CLMN: variants seen among roughly 807,000 people sequenced by gnomAD.
CLMN encodes the protein calmin (calponin-like, transmembrane).
A neutral mutation model predicts 92.7 loss-of-function variants in CLMN; 57 were observed. The ratio of observed to expected loss-of-function variants is 0.61; its 90% confidence interval spans 0.50 to 0.77. The LOEUF is 0.77. CLMN is among the 30% of genes least tolerant of loss of function. The pLI is 0.00. For missense variants in CLMN, 1,158 were observed against 1,237.5 expected (o/e 0.94, Z 0.96); for synonymous variants, 466 against 470.6 (o/e 0.99, Z 0.13).
chr14:95,237,909 T>C (rs1351469703), intron 1 of CLMN, among the ~76,000 whole-genome samples: 1 of 152,214 alleles, frequency 6.6e-6, no homozygotes, highest in Non-Finnish European at 1.5e-5. Context: ...TCTTTCTAAC[T>C]GCAAGCGTCC....
At chr14:95,197,091 A>G (rs1762312807) in intron 9 of CLMN, among the ~76,000 whole-genome samples, 1 of 152,142 alleles carries the variant, frequency 6.6e-6, no homozygotes, top group Non-Finnish European at 1.5e-5. Context: ...TTTCCTATAA[A>G]TAATGTCTCT....
At chr14:95,306,390 G>A (rs1473038545) in intron 1 of CLMN, among the ~76,000 whole-genome samples, 1 of 152,182 alleles carries the variant, frequency 6.6e-6, no homozygotes, top group Admixed American at 6.5e-5. Flanking sequence ...GTGCACGTCT[G>A]TAATCCCAGC....
intron 1 of CLMN, among the ~76,000 whole-genome samples, chr14:95,310,533 G>T (rs999536907): frequency 6.6e-6 from 1 of 152,238 alleles, no homozygotes; most frequent in African/African-American, 2.4e-5. Flanking sequence ...CCGTTTGGGG[G>T]ATTAGGATGT....
At chr14:95,207,469 C>T (rs1897077617) in intron 8 of CLMN, among the ~76,000 whole-genome samples, 1 of 152,160 alleles carries the variant, frequency 6.6e-6, no homozygotes, top group African/African-American at 2.4e-5. Flanking sequence ...GAACTGATTC[C>T]TCCTATGTAA....
rs112023847 is a variant in CLMN at position 95,221,747 on chromosome 14, G to A, written c.268C>T (p.Arg90Cys). ...GCTATGTTGTTCAACCGAAAAATAC[G>A]ATGCGACGAGGATTTGTATTCGTGC... The part of the protein sequence containing the change: ...LLHEYKSSSH[R>C]IFRLNNIAKA... The change falls in exon 4 of 13, where the codon CGT (arginine) becomes TGT (cysteine). Residue 90 changes from arginine (R) to cysteine (C), a missense_variant. Arg to Cys is a radical substitution (Grantham distance 180, BLOSUM62 -3). Coordinates refer to ENST00000298912, the MANE Select transcript of CLMN (RefSeq NM_024734.4). 6.8e-5 allele frequency: 110 copies of A among 1,613,996 alleles called. No individual in the cohort carries two copies. Among genetic ancestry groups the A allele is most frequent in the Non-Finnish European group, 5.8e-5 (68 of 1,180,022 alleles).
chr14:95,214,009 C>T (rs1437760777), intron 5 of CLMN, among the ~76,000 whole-genome samples: 1 of 152,016 alleles, frequency 6.6e-6, no homozygotes, highest in African/African-American at 2.4e-5. Context: ...CAAAACCCAG[C>T]TCTGGTGTCA....
At chr14:95,209,186 G>A (rs1320323857) in intron 8 of CLMN, among the ~76,000 whole-genome samples, 1 of 152,120 alleles carries the variant, frequency 6.6e-6, no homozygotes, top group Non-Finnish European at 1.5e-5. Context: ...ATCGACTGGG[G>A]GTCTTGAACT....
chr14:95,274,479 C>G (rs1595084170), intron 1 of CLMN, among the ~76,000 whole-genome samples: 1 of 152,246 alleles, frequency 6.6e-6, no homozygotes, highest in East Asian at 1.9e-4. Flanking sequence ...CCCTGGAGAG[C>G]TGTGGTCCCT....
chr14:95,245,251 T>C (rs1428689232), intron 1 of CLMN, among the ~76,000 whole-genome samples: 1 of 36,894 alleles, frequency 2.7e-5, no homozygotes, highest in African/African-American at 1.8e-4. Flanking sequence ...TATATATATA[T>C]ATAATATATA....
In CLMN at chr14:95,189,069, G is replaced by A. The variant is rs1896503180; in HGVS notation, c.*2495C>T. 2 of 151,962 alleles carry A rather than the reference G, an allele frequency of 1.3e-5. No individual in the cohort carries two copies. Among genetic ancestry groups the A allele is most frequent in the African/African-American group, 2.4e-5 (1 of 41,390 alleles). The allele number at this position is 151,962 out of a possible 1,614,324, so 9.4% of individuals were successfully genotyped here. ...GGACATGTAACCATAACACACTGCTGGGCTTGGGAGTCAACAATCCTTAAG... is the reference window on the plus strand; with the variant it reads ...GGACATGTAACCATAACACACTGCTAGGCTTGGGAGTCAACAATCCTTAAG... On this transcript the variant is annotated 3_prime_UTR_variant, in exon 13 of 13. Transcript: ENST00000298912.
intron 4 of CLMN, among the ~76,000 whole-genome samples, chr14:95,218,204 G>T (rs1444543361): frequency 1.3e-5 from 2 of 152,218 alleles, no homozygotes; most frequent in African/African-American, 4.8e-5. Context: ...CACATGTAGG[G>T]TGATAACTCA....
intron 1 of CLMN, among the ~76,000 whole-genome samples, chr14:95,281,832 G>C (rs948111748): frequency 6.6e-6 from 1 of 152,182 alleles, no homozygotes; most frequent in South Asian, 2.1e-4. Context: ...AAATCTTCCA[G>C]ATAGTGTCAC....
At chr14:95,290,788 T>C (rs976994626) in intron 1 of CLMN, among the ~76,000 whole-genome samples, 3 of 152,176 alleles carry the variant, frequency 2.0e-5, no homozygotes, top group Admixed American at 6.5e-5. Context: ...TTATGGTGCT[T>C]TCAGCTCCCG....
At chr14:95,217,284 T>C (rs886918427) in intron 4 of CLMN, among the ~76,000 whole-genome samples, 2 of 152,204 alleles carry the variant, frequency 1.3e-5, no homozygotes, top group Non-Finnish European at 2.9e-5. Context: ...ATTTCTTTCC[T>C]CTCTCTCTTC....
In CLMN at chr14:95,196,486, T is replaced by C. The variant is rs778516210; in HGVS notation, c.2708+12A>G. The C allele has an allele frequency of 1.8e-5, 29 of 1,602,606 alleles. No homozygotes were observed. In the East Asian group the frequency reaches 6.2e-4, roughly 35 times the overall value. ...GCTCCACCTTACGGGTGAAAAGAGA[T>C]GAATAAAATACCTGGAAGGAATGCT... On this transcript the variant is annotated intron_variant, in intron 10 of 12. Coordinates refer to ENST00000298912, the MANE Select transcript of CLMN (RefSeq NM_024734.4).
At position 95,202,858 on chromosome 14, in the gene CLMN, C is replaced by A. The variant is rs1896922728; in HGVS notation, c.2491G>T (p.Asp831Tyr). The part of the protein sequence containing the change: ...DHQQRETKEN[D>Y]PMDSHQSQES... Reference sequence around the variant, plus strand: ...AGTACCTGATGGCTGTCCATGGGGTCATTCTCTTTGGTCTCCCTTTGCTGG... The same window carrying A: ...AGTACCTGATGGCTGTCCATGGGGTAATTCTCTTTGGTCTCCCTTTGCTGG... Residue 831 changes from aspartate (D) to tyrosine (Y), a missense_variant, in exon 9 of 13, where the codon GAC becomes TAC. Coordinates refer to ENST00000298912, the MANE Select transcript of CLMN (RefSeq NM_024734.4). 2.6e-6 allele frequency: 4 copies of A among 1,540,914 alleles called. No homozygotes were observed. Among genetic ancestry groups the A allele is most frequent in the Non-Finnish European group, 3.5e-6 (4 of 1,148,146 alleles).
At chr14:95,200,003 T>G (rs1202518250) in intron 9 of CLMN, among the ~76,000 whole-genome samples, 1 of 151,858 alleles carries the variant, frequency 6.6e-6, no homozygotes, top group Non-Finnish European at 1.5e-5. Flanking sequence ...AGGTGAGACT[T>G]GTGCTTTAGG....
At chr14:95,227,506 CT>C (rs747463239) in intron 2 of CLMN, among the ~76,000 whole-genome samples, 12 of 152,194 alleles carry the variant, frequency 7.9e-5, no homozygotes, top group Admixed American at 1.3e-4. Context: ...GGAATACCCC[CT>C]GATAAATGGA....
At chr14:95,192,371 T>C (rs531513860) in intron 12 of CLMN, 1 of 152,346 alleles carries the variant, frequency 6.6e-6, no homozygotes, top group East Asian at 1.9e-4. Flanking sequence ...GGTGGTAGTG[T>C]TAAAATGTCA....
Sources: allele counts gnomAD v4.1 joint callset (sites outside exome capture counted in the v4.1 genomes callset), GRCh38; gene constraint gnomAD v4.1.1; transcripts MANE v1.5; gene names NCBI Gene and HGNC (gene_info 2026-07-23, HGNC 2026-07-21).